FBXL4: variants seen among roughly 807,000 people sequenced by gnomAD.
FBXL4 encodes the protein F-box/LRR-repeat protein 4.
In FBXL4, 40 loss-of-function variants were observed where a neutral mutation model predicts 58.9. That is an observed-to-expected ratio of 0.68 (90% CI 0.53 to 0.88). The LOEUF (loss-of-function observed/expected upper bound fraction) is 0.88, where lower values mean the gene tolerates loss of function less well. Among genes scored for constraint, FBXL4 ranks in the 40% least tolerant of loss-of-function variants. The pLI is 0.00. For synonymous variants in FBXL4, 263 were observed against 265.5 expected (o/e 0.99, Z 0.09); for missense variants, 676 against 734.4 (o/e 0.92, Z 0.92).
intron 7 of FBXL4, among the ~76,000 whole-genome samples, chr6:98,891,504 C>A (rs1771224172): frequency 6.6e-6 from 1 of 152,114 alleles, no homozygotes; most frequent in Non-Finnish European, 1.5e-5. Context: ...ATCTTTCCTA[C>A]AATAATATAG....
At chr6:98,938,040 CCT>C (rs1773288646) in intron 1 of FBXL4, among the ~76,000 whole-genome samples, 1 of 86,394 alleles carries the variant, frequency 1.2e-5, no homozygotes, top group Admixed American at 1.2e-4. Context: ...CCCCCTGCAC[CCT>C]TTTTTTTTTT....
At chr6:98,933,365 A>G (rs537948304) in intron 2 of FBXL4, among the ~76,000 whole-genome samples, 19 of 152,274 alleles carry the variant, frequency 1.2e-4, no homozygotes, top group African/African-American at 4.3e-4. Context: ...AGAACATTCT[A>G]TCTAACTTTG....
Position 98,874,349 on chromosome 6 carries a change from C to A in FBXL4, c.1795G>T (p.Asp599Tyr). The change falls in exon 10 of 10, where the codon GAT becomes TAT. Residue 599 changes from aspartate (D) to tyrosine (Y), a missense_variant. Transcript: ENST00000369244. The part of the protein sequence containing the change: ...LLDVSFCSQI[D>Y]NRAVLELNAS... ...TTCAGTTCTAGCACAGCTCTGTTAT[C>A]AATCTGCGAACAGAAGGACACATCA... The A allele has an allele frequency of 6.2e-7, 1 of 1,613,076 alleles. No homozygotes were observed.
chr6:98,942,785 C>G (rs1263199609), intron 1 of FBXL4, among the ~76,000 whole-genome samples: 3 of 151,912 alleles, frequency 2.0e-5, no homozygotes, highest in African/African-American at 7.3e-5. Context: ...TCAATAAAAC[C>G]AAGAATGTAA....
At chr6:98,936,398 A>G (rs551081563) in intron 1 of FBXL4, among the ~76,000 whole-genome samples, 1 of 152,314 alleles carries the variant, frequency 6.6e-6, no homozygotes, top group East Asian at 1.9e-4. Context: ...TATGAAAGTG[A>G]AATAATATGG....
At chr6:98,905,150 C>T (rs768801837) in intron 6 of FBXL4, among the ~76,000 whole-genome samples, 39 of 152,108 alleles carry the variant, frequency 2.6e-4, no homozygotes, top group Non-Finnish European at 3.8e-4. Context: ...AAAGAAGAAA[C>T]AGGAGCTCTG....
chr6:98,890,850 C>T (rs139257993), intron 7 of FBXL4, among the ~76,000 whole-genome samples: 113 of 151,908 alleles, frequency 7.4e-4, no homozygotes, highest in African/African-American at 2.0e-3. Flanking sequence ...ACTAGGGAGG[C>T]GGAGGTTGCA....
chr6:98,892,026 C>T (rs1177815959), intron 7 of FBXL4, among the ~76,000 whole-genome samples: 3 of 152,140 alleles, frequency 2.0e-5, no homozygotes, highest in Admixed American at 1.3e-4. Context: ...CATACTCACC[C>T]CACCAAGTCA....
chr6:98,913,509 A>T (rs1440924409), intron 5 of FBXL4, among the ~76,000 whole-genome samples: 2 of 152,164 alleles, frequency 1.3e-5, no homozygotes, highest in Non-Finnish European at 2.9e-5. Context: ...GGATTAAGAA[A>T]CTCACTCAAA....
chr6:98,875,356 A>G (rs748783140), intron 9 of FBXL4, 59 bp downstream of exon 9: 3 of 1,564,532 alleles, frequency 1.9e-6, no homozygotes, highest in Admixed American at 1.7e-5. Flanking sequence ...AAAGTCTGAG[A>G]TTGGCTTTTC....
Position 98,934,746 on chromosome 6 carries a change from T to C in FBXL4, c.-191+16A>G, listed in dbSNP as rs1484484250. On this transcript the variant is annotated intron_variant, in intron 2 of 9. Transcript: ENST00000369244. ...CAGTAAGGCCCCAAAGTAGAAAAAA[T>C]AGGTGGCGTTCTTACCTGAAACATA... is the stretch of plus-strand genomic sequence containing the variant. 1 of 152,100 alleles carries C rather than the reference T, an allele frequency of 6.6e-6. No individual in the cohort carries two copies. Among genetic ancestry groups the C allele is most frequent in the Non-Finnish European group, 1.5e-5 (1 of 68,028 alleles). 9.4% of individuals were successfully genotyped at this position (152,100 alleles called of 1,614,324 possible).
chr6:98,898,739 G>C lies in FBXL4; in HGVS notation c.1317+529C>G, dbSNP rs1030555571. 2.0e-5 allele frequency: 20 copies of C among 984,650 alleles called. No homozygotes were observed. In the African/African-American group the frequency reaches 3.1e-4, roughly 15 times the overall value. The allele number at this position is 984,650 out of a possible 1,614,324, so 61.0% of individuals were successfully genotyped here. ...TTATGGTATAACATACACTATTACAGTAAAAGAGTTAGATAATATATGCAC... is the reference window on the plus strand; with the variant it reads ...TTATGGTATAACATACACTATTACACTAAAAGAGTTAGATAATATATGCAC... On this transcript the variant is annotated intron_variant, in intron 7 of 9. Coordinates refer to ENST00000369244, the MANE Select transcript of FBXL4 (RefSeq NM_001278716.2).
intron 7 of FBXL4, among the ~76,000 whole-genome samples, chr6:98,883,552 C>G (rs552242807): frequency 1.3e-5 from 2 of 151,494 alleles, no homozygotes; most frequent in South Asian, 2.1e-4. Context: ...GTTTTAGAGT[C>G]TTTCTTTTTT....
At chr6:98,920,674 G>C (rs1285210681) in intron 4 of FBXL4, among the ~76,000 whole-genome samples, 1 of 152,102 alleles carries the variant, frequency 6.6e-6, no homozygotes, top group Non-Finnish European at 1.5e-5. Context: ...AAGTTAAAAT[G>C]AGAAAGGTAT....
intron 8 of FBXL4, among the ~76,000 whole-genome samples, chr6:98,877,691 A>C (rs1188497780): frequency 6.6e-6 from 1 of 152,126 alleles, no homozygotes; most frequent in Non-Finnish European, 1.5e-5. Context: ...GTCACAGAGG[A>C]ACTATCAGCA....
intron 7 of FBXL4, chr6:98,898,765 T>C: frequency 2.0e-6 from 2 of 985,246 alleles, no homozygotes; most frequent in South Asian, 9.4e-5. Context: ...ATATATGCAC[T>C]GACCCTGGAA....
At chr6:98,933,612 T>C (rs1474797501) in intron 2 of FBXL4, among the ~76,000 whole-genome samples, 2 of 152,206 alleles carry the variant, frequency 1.3e-5, no homozygotes, top group Non-Finnish European at 2.9e-5. Flanking sequence ...TCTGCTCTTA[T>C]ATGTTCGTAT....
intron 5 of FBXL4, among the ~76,000 whole-genome samples, chr6:98,915,216 A>C (rs1213380973): frequency 2.6e-5 from 4 of 151,628 alleles, no homozygotes; most frequent in African/African-American, 4.8e-5. Context: ...GGTAGGAAGA[A>C]TCAATATCGT....
chr6:98,888,430 A>T (rs1390292005), intron 7 of FBXL4, among the ~76,000 whole-genome samples: 1 of 152,202 alleles, frequency 6.6e-6, no homozygotes, highest in Admixed American at 6.5e-5. Flanking sequence ...TATATGCAGC[A>T]CTGCTACATA....
Sources: allele counts gnomAD v4.1 joint callset (sites outside exome capture counted in the v4.1 genomes callset), GRCh38; gene constraint gnomAD v4.1.1; transcripts MANE v1.5; gene names NCBI Gene and HGNC (gene_info 2026-07-23, HGNC 2026-07-21).